CNTN5: variants seen among roughly 807,000 people sequenced by gnomAD.
CNTN5 encodes contactin 5, also known as contactin-5.
A neutral mutation model predicts 129.1 loss-of-function variants in CNTN5; 77 were observed. The ratio of observed to expected loss-of-function variants is 0.60; its 90% CI spans 0.50 to 0.72. The LOEUF (loss-of-function observed/expected upper bound fraction) is 0.72, where lower values mean the gene tolerates loss of function less well. Among genes scored for constraint, CNTN5 ranks in the 30% least tolerant of loss-of-function variants. The probability of loss-of-function intolerance (pLI) is 0.00; values close to 1 mark genes in which losing one functional copy is unlikely to be tolerated. For missense variants in CNTN5, 1,478 were observed against 1,328.8 expected (o/e 1.11, Z -1.75); for synonymous variants, 509 against 465.6 (o/e 1.09, Z -1.20).
At chr11:100,305,105 A>G (rs1420898792) in intron 20 of CNTN5, among the ~76,000 whole-genome samples, 1 of 151,580 alleles carries the variant, frequency 6.6e-6, no homozygotes, top group East Asian at 2.0e-4. Flanking sequence ...GAGATGAAGA[A>G]TGAGCCAGCC....
At chr11:100,185,047 T>G (rs1189978694) in intron 13 of CNTN5, among the ~76,000 whole-genome samples, 2 of 152,138 alleles carry the variant, frequency 1.3e-5, no homozygotes, top group African/African-American at 4.8e-5. Context: ...ACATGTTTGC[T>G]TCCCTTTTCT....
At chr11:99,835,955 A>G (rs2135640981) in intron 4 of CNTN5, among the ~76,000 whole-genome samples, 1 of 152,200 alleles carries the variant, frequency 6.6e-6, no homozygotes, top group Non-Finnish European at 1.5e-5. Context: ...ATCTTATGCA[A>G]GAAAGAATTT....
intron 1 of CNTN5, among the ~76,000 whole-genome samples, chr11:99,176,292 C>T (rs990575841): frequency 7.2e-5 from 11 of 151,958 alleles, no homozygotes; most frequent in African/African-American, 2.7e-4. Context: ...AGTGCTTAGT[C>T]ATTAGATTAT....
At chr11:99,584,265 G>C (rs1949717095) in intron 3 of CNTN5, among the ~76,000 whole-genome samples, 1 of 152,118 alleles carries the variant, frequency 6.6e-6, no homozygotes. Context: ...AATTAGCTCT[G>C]TATTCTCCTA....
intron 17 of CNTN5, among the ~76,000 whole-genome samples, chr11:100,264,758 T>C (rs1950268396): frequency 6.6e-6 from 1 of 152,128 alleles, no homozygotes; most frequent in Non-Finnish European, 1.5e-5. Flanking sequence ...AGTAATGCGA[T>C]TGCTGGGTCA....
chr11:100,127,189 G>A (rs1257776468), intron 13 of CNTN5, among the ~76,000 whole-genome samples: 3 of 140,496 alleles, frequency 2.1e-5, no homozygotes, highest in South Asian at 2.2e-4. Flanking sequence ...ATCCACTCAC[G>A]TTGGCCTCCC....
chr11:99,713,407 G>A (rs928812811), intron 3 of CNTN5, among the ~76,000 whole-genome samples: 1 of 151,984 alleles, frequency 6.6e-6, no homozygotes, highest in Admixed American at 6.6e-5. Flanking sequence ...TTCAGATGAT[G>A]GGGTTTTCTA....
At chr11:100,053,628 T>TACAGG (rs1359756882) in intron 9 of CNTN5, among the ~76,000 whole-genome samples, 3 of 151,760 alleles carry the variant, frequency 2.0e-5, no homozygotes, top group African/African-American at 7.2e-5. Flanking sequence ...GGTAGACATG[T>TACAGG]TAAATTATAC....
chr11:99,373,073 G>C (rs1018780787), intron 2 of CNTN5, among the ~76,000 whole-genome samples: 8 of 91,696 alleles, frequency 8.7e-5, no homozygotes, highest in African/African-American at 2.3e-4. Context: ...GCGGGGCATG[G>C]TGGCACATGG....
chr11:99,246,858 T>C (rs573523108), intron 1 of CNTN5, among the ~76,000 whole-genome samples: 8 of 152,226 alleles, frequency 5.3e-5, no homozygotes, highest in African/African-American at 1.9e-4. Flanking sequence ...ATGCATATGA[T>C]ACAAAAAAGA....
intron 9 of CNTN5, among the ~76,000 whole-genome samples, chr11:100,003,621 A>AT (rs1229780355): frequency 6.6e-6 from 1 of 152,218 alleles, no homozygotes; most frequent in East Asian, 1.9e-4. Flanking sequence ...AGGCAAGCTT[A>AT]TTTAATAAGT....
At chr11:99,640,485 C>T (rs1404129006) in intron 3 of CNTN5, among the ~76,000 whole-genome samples, 1 of 152,158 alleles carries the variant, frequency 6.6e-6, no homozygotes, top group Non-Finnish European at 1.5e-5. Flanking sequence ...AAAGACCAGC[C>T]CCCATGATTC....
intron 13 of CNTN5, among the ~76,000 whole-genome samples, chr11:100,112,609 A>C (rs1945692592): frequency 6.6e-6 from 1 of 152,106 alleles, no homozygotes; most frequent in Non-Finnish European, 1.5e-5. Context: ...TGGCATTATG[A>C]AACATAGGCA....
chr11:100,219,759 A>G (rs1175836616), intron 15 of CNTN5, among the ~76,000 whole-genome samples: 2 of 152,190 alleles, frequency 1.3e-5, no homozygotes, highest in East Asian at 3.9e-4. Context: ...ATACACATAA[A>G]TGTTTTGTCA....
At position 99,174,351 on chromosome 11, in the gene CNTN5, C is replaced by T. The variant is rs1857674925; in HGVS notation, c.-209-150995C>T. Among the ~76,000 whole-genome samples the T allele has an allele frequency of 2.0e-5, 3 of 152,204 alleles. No individual in the cohort carries two copies. The South Asian group carries it at 6.2e-4, about 32-fold the overall frequency. Reference sequence around the variant, plus strand: ...TGTCTCTGTCTCTCTCTCTTTCTCTCCAATTAGACTTGGTTATATCATTAG... The same window carrying T: ...TGTCTCTGTCTCTCTCTCTTTCTCTTCAATTAGACTTGGTTATATCATTAG... On this transcript the variant is annotated intron_variant, in intron 1 of 24. Coordinates refer to ENST00000524871, the MANE Select transcript of CNTN5 (RefSeq NM_014361.4).
chr11:99,534,059 A>G (rs1947812522), intron 2 of CNTN5, among the ~76,000 whole-genome samples: 1 of 152,254 alleles, frequency 6.6e-6, no homozygotes, highest in South Asian at 2.1e-4. Context: ...GTAACAAAAT[A>G]CATTTGTAAA....
chr11:100,067,667 G>A (rs1470926229), intron 10 of CNTN5, among the ~76,000 whole-genome samples: 1 of 151,782 alleles, frequency 6.6e-6, no homozygotes, highest in South Asian at 2.1e-4. Context: ...CAATTTTGAG[G>A]GCAGTGTAAC....
At chr11:99,460,767 C>T (rs375381110) in intron 2 of CNTN5, among the ~76,000 whole-genome samples, 5 of 151,950 alleles carry the variant, frequency 3.3e-5, no homozygotes, top group East Asian at 1.9e-4. Context: ...GTCGAATTCT[C>T]GTACCTTGCT....
At chr11:99,512,129 C>G (rs944582737) in intron 2 of CNTN5, among the ~76,000 whole-genome samples, 1 of 152,082 alleles carries the variant, frequency 6.6e-6, no homozygotes, top group African/African-American at 2.4e-5. Flanking sequence ...CTGAACTCAC[C>G]TAGAGCAAAA....
Sources: allele counts gnomAD v4.1 joint callset (sites outside exome capture counted in the v4.1 genomes callset), GRCh38; gene constraint gnomAD v4.1.1; transcripts MANE v1.5; gene names NCBI Gene and HGNC (gene_info 2026-07-23, HGNC 2026-07-21).